The following CERT1 variants were observed in gnomAD, a reference collection of about 807,000 sequenced individuals.
CERT1 encodes the protein ceramide transfer protein.
CERT1 carries 31 observed loss-of-function variants against 87.9 expected under a neutral mutation model. That is an observed-to-expected ratio of 0.35 (90% CI 0.27 to 0.48). CERT1 has a LOEUF of 0.48. CERT1 is among the 20% of genes least tolerant of loss of function. The pLI is 0.99. For synonymous variants in CERT1, 289 were observed against 250.9 expected (o/e 1.15, Z -1.44); for missense variants, 487 against 758.0 (o/e 0.64, Z 4.20).
At chr5:75,495,713 C>T (rs1284552218) in intron 2 of CERT1, among the ~76,000 whole-genome samples, 2 of 152,156 alleles carry the variant, frequency 1.3e-5, no homozygotes, top group African/African-American at 4.8e-5. Flanking sequence ...CAGAGTGCCA[C>T]TGCAGATCCA....
intron 14 of CERT1, among the ~76,000 whole-genome samples, chr5:75,382,660 G>GA (rs1257997766): frequency 6.6e-6 from 1 of 150,916 alleles, no homozygotes; most frequent in Admixed American, 6.6e-5. Flanking sequence ...CTTTAAATGA[G>GA]AAAAAAAACC....
intron 2 of CERT1, among the ~76,000 whole-genome samples, chr5:75,465,295 A>G (rs1462284176): frequency 6.6e-6 from 1 of 152,204 alleles, no homozygotes; most frequent in African/African-American, 2.4e-5. Flanking sequence ...ATTTGACCCT[A>G]TTCTACCCTG....
Position 75,511,224 on chromosome 5 carries a change from A to G in CERT1, c.-17T>C. On this transcript the variant is annotated 5_prime_UTR_variant, in exon 1 of 17. Transcript: ENST00000643780. ...ATCCGACATGGAGGCTCGACAACCG[A>G]GCAGGAGACCGGCCCCCGCTCCCTC... 1.2e-6 allele frequency: 2 copies of G among 1,612,026 alleles called. No individual in the cohort carries two copies. The highest frequency in any genetic ancestry group is 2.2e-5 in the South Asian group (2 of 90,972).
At chr5:75,501,171 A>G (rs1237422183) in intron 2 of CERT1, among the ~76,000 whole-genome samples, 2 of 151,984 alleles carry the variant, frequency 1.3e-5, no homozygotes, top group African/African-American at 4.8e-5. Flanking sequence ...TTTGATGTAG[A>G]GATGGGGTTC....
intron 17 of CERT1, chr5:75,369,093 T>A (rs1760993985): frequency 6.6e-6 from 1 of 152,100 alleles, no homozygotes; most frequent in Admixed American, 6.6e-5. Flanking sequence ...TTTTTATTTT[T>A]AGTAGAGACA....
intron 3 of CERT1, among the ~76,000 whole-genome samples, chr5:75,457,671 A>G (rs1765043591): frequency 6.6e-6 from 1 of 152,028 alleles, no homozygotes; most frequent in Non-Finnish European, 1.5e-5. Flanking sequence ...TCTTAAATCA[A>G]TAAACCAAGA....
chr5:75,425,021 G>C (rs1763548978), intron 5 of CERT1, among the ~76,000 whole-genome samples: 1 of 152,088 alleles, frequency 6.6e-6, no homozygotes, highest in Non-Finnish European at 1.5e-5. Context: ...GGGTGGCTGA[G>C]ATGGGAGAAT....
intron 7 of CERT1, among the ~76,000 whole-genome samples, chr5:75,413,716 C>G (rs908527846): frequency 6.6e-6 from 1 of 151,804 alleles, no homozygotes; most frequent in Non-Finnish European, 1.5e-5. Context: ...CAAGTACAGT[C>G]AAGAGTGAAC....
In CERT1 at chr5:75,420,386, C is replaced by G. The variant is rs868180414; in HGVS notation, c.596-962G>C. 6.6e-5 allele frequency among the ~76,000 whole-genome samples: 10 copies of G among 151,484 alleles called. 1 individual carries two copies. In the East Asian group the frequency reaches 1.9e-3, roughly 29 times the overall value. On this transcript the variant is annotated intron_variant, in intron 5 of 16. Transcript: ENST00000643780. ...TGAGGCGGAGTCTTGCTCTGTCGCCCAGGCTGGAGTGCAGTGGCGCGATCT... is the reference window on the plus strand; with the variant it reads ...TGAGGCGGAGTCTTGCTCTGTCGCCGAGGCTGGAGTGCAGTGGCGCGATCT...
chr5:75,484,535 G>T (rs1472871746), intron 2 of CERT1, among the ~76,000 whole-genome samples: 1 of 150,080 alleles, frequency 6.7e-6, no homozygotes, highest in African/African-American at 2.4e-5. Context: ...GACACAGACT[G>T]AAAATAAAAG....
intron 3 of CERT1, among the ~76,000 whole-genome samples, chr5:75,441,139 G>A (rs369869361): frequency 1.3e-5 from 2 of 152,060 alleles, no homozygotes; most frequent in East Asian, 1.9e-4. Context: ...ATATGATGGT[G>A]GTTCCATAGG....
chr5:75,426,274 A>G (rs1378481082), intron 4 of CERT1, 97 bp downstream of exon 4: 1 of 721,884 alleles, frequency 1.4e-6, no homozygotes, highest in African/African-American at 1.8e-5. Context: ...ACTATAAAAA[A>G]GTTTGTTCAA....
At chr5:75,399,857 G>A (rs549669879) in intron 10 of CERT1, among the ~76,000 whole-genome samples, 6 of 152,024 alleles carry the variant, frequency 3.9e-5, no homozygotes, top group South Asian at 2.1e-4. Context: ...AGATATTTCC[G>A]GCTGGGCATG....
At chr5:75,421,497 T>G (rs1763377069) in intron 5 of CERT1, among the ~76,000 whole-genome samples, 4 of 152,212 alleles carry the variant, frequency 2.6e-5, no homozygotes, top group Admixed American at 2.6e-4. Context: ...CTTTTTCTTT[T>G]CCACTTCCAT....
chr5:75,383,182 T>C lies in CERT1; in HGVS notation c.1489-1105A>G, dbSNP rs1307189147. Among the ~76,000 whole-genome samples the C allele has an allele frequency of 2.6e-5, 4 of 152,172 alleles. No homozygotes were observed. In the East Asian group the frequency reaches 5.8e-4, roughly 22 times the overall value. ...TAAATTTCAGATATAGTGTGAGTGG[T>C]ATAGTTACATACACTGCGAATGTAA... On this transcript the variant is annotated intron_variant, in intron 14 of 16. Transcript: ENST00000643780.
chr5:75,457,094 C>A (rs550193262), intron 3 of CERT1, among the ~76,000 whole-genome samples: 2 of 152,146 alleles, frequency 1.3e-5, no homozygotes, highest in Admixed American at 6.5e-5. Context: ...ACTAGTGAGA[C>A]GGCTGGCCCT....
At chr5:75,398,355 T>C (rs2112074462) in intron 11 of CERT1, among the ~76,000 whole-genome samples, 1 of 152,212 alleles carries the variant, frequency 6.6e-6, no homozygotes, top group Non-Finnish European at 1.5e-5. Context: ...GAAATTATGT[T>C]ATAATAGCAA....
At chr5:75,495,969 A>C (rs953151594) in intron 2 of CERT1, among the ~76,000 whole-genome samples, 1 of 152,196 alleles carries the variant, frequency 6.6e-6, no homozygotes, top group East Asian at 1.9e-4. Context: ...AAGAACTTAG[A>C]GCAAAGTCAT....
chr5:75,497,732 T>C (rs1767141523), intron 2 of CERT1, among the ~76,000 whole-genome samples: 1 of 152,102 alleles, frequency 6.6e-6, no homozygotes, highest in Non-Finnish European at 1.5e-5. Context: ...AAAACTCTTT[T>C]CTTTATAAAA....
Sources: allele counts gnomAD v4.1 joint callset (sites outside exome capture counted in the v4.1 genomes callset), GRCh38; gene constraint gnomAD v4.1.1; transcripts MANE v1.5; gene names NCBI Gene and HGNC (gene_info 2026-07-23, HGNC 2026-07-21).